The following KAZN variants were observed in gnomAD, a reference collection of about 807,000 sequenced individuals.
KAZN encodes the protein kazrin.
KAZN carries 40 observed loss-of-function variants against 87.4 expected under a neutral mutation model. The observed-to-expected ratio is 0.46, with a 90% CI of 0.36 to 0.60. KAZN has a LOEUF of 0.60. KAZN is among the 20% of genes least tolerant of loss of function. The pLI is 0.00. For missense variants in KAZN, 898 were observed against 1,073.9 expected, an observed-to-expected ratio of 0.84 and a Z score of 2.29; for synonymous variants, 466 against 458.3, an observed-to-expected ratio of 1.02 and a Z score of -0.22.
chr1:15,043,804 G>A (rs1281095567), intron 3 of KAZN, among the ~76,000 whole-genome samples, 185 bp from the exon 4 acceptor site: 4 of 151,912 alleles, frequency 2.6e-5, no homozygotes, highest in Non-Finnish European at 4.4e-5. Context: ...CACCATGCCT[G>A]GCTAATTTTT....
chr1:14,016,886 G>A (rs1640597151), intron 1 of KAZN, among the ~76,000 whole-genome samples: 1 of 152,180 alleles, frequency 6.6e-6, no homozygotes, highest in Non-Finnish European at 1.5e-5. Context: ...ATTTTTGTAT[G>A]TGCATTTGGG....
rs559245087 is a variant in KAZN, at chr1:14,903,775, A to G, written c.227-56909A>G. On this transcript the variant is annotated intron_variant, in intron 1 of 14. Transcript: ENST00000376030. ...ATTTAATTTTTAAAGTCGCGATCCC[A>G]TTAATCTAACCTTAGTAGGTTACAT... Among the ~76,000 whole-genome samples, 3 of 152,356 alleles carry G rather than the reference A, an allele frequency of 2.0e-5. No individual in the cohort carries two copies. In the East Asian group the frequency reaches 5.8e-4, roughly 29 times the overall value.
chr1:14,730,192 T>A (rs527308315), intron 1 of KAZN, among the ~76,000 whole-genome samples: 1 of 152,220 alleles, frequency 6.6e-6, no homozygotes, highest in African/African-American at 2.4e-5. Context: ...CAAGCGATTC[T>A]CCCGCCTCAG....
intron 1 of KAZN, among the ~76,000 whole-genome samples, chr1:14,934,993 C>T (rs1040409928): frequency 4.6e-5 from 7 of 152,230 alleles, no homozygotes; most frequent in Admixed American, 2.0e-4. Flanking sequence ...GTGGCATTCC[C>T]GTAAACCTCC....
chr1:14,254,543 T>C (rs1650331258), intron 2 of KAZN, among the ~76,000 whole-genome samples: 1 of 152,068 alleles, frequency 6.6e-6, no homozygotes, highest in Non-Finnish European at 1.5e-5. Context: ...AAGTGGCAAA[T>C]GGTCAAAATA....
At chr1:14,012,577 G>T (rs1372178846) in intron 1 of KAZN, among the ~76,000 whole-genome samples, 1 of 152,178 alleles carries the variant, frequency 6.6e-6, no homozygotes, top group Admixed American at 6.5e-5. Flanking sequence ...CAGTTTGGGA[G>T]GGTGACGCGG....
intron 2 of KAZN, among the ~76,000 whole-genome samples, chr1:14,416,670 G>A (rs1018035201): frequency 2.6e-5 from 4 of 152,144 alleles, no homozygotes; most frequent in Non-Finnish European, 5.9e-5. Context: ...CCAGGAGACA[G>A]AGGTTGCAGT....
At chr1:14,298,928 A>C (rs7527290) in intron 2 of KAZN, among the ~76,000 whole-genome samples, 32,681 of 152,136 alleles carry the variant, frequency 0.21, 3,812 homozygotes, top group East Asian at 0.36. Context: ...GAGGAAGTGC[A>C]GGCGTGGTAG....
At position 14,907,401 on chromosome 1, in the gene KAZN, C is replaced by CA. The variant is rs141495381; in HGVS notation, c.227-53267dup. On this transcript the variant is annotated intron_variant, in intron 1 of 14. Coordinates refer to ENST00000376030, the MANE Select transcript of KAZN (RefSeq NM_201628.3). ...TGAGCAACAGAGTGAGACCCTGTCT[C>CA]AAAAAAAAAAAAAAAACAAAAAGTG... 9.3e-3 allele frequency among the ~76,000 whole-genome samples: 918 copies of CA among 98,224 alleles called. 5 individuals carry two copies. The highest frequency in any genetic ancestry group is 0.023 in the African/African-American group (605 of 26,466). 64.4% of individuals were successfully genotyped at this position (98,224 alleles called of 152,430 possible). A position where few individuals can be genotyped will look rare whatever the true frequency, so the allele number is the denominator to read the frequency against.
At chr1:14,629,342 G>A (rs1299505522) in intron 1 of KAZN, among the ~76,000 whole-genome samples, 1 of 152,196 alleles carries the variant, frequency 6.6e-6, no homozygotes, top group Non-Finnish European at 1.5e-5. Context: ...ATTCGTTGCT[G>A]TATTCCAGCA....
intron 2 of KAZN, among the ~76,000 whole-genome samples, chr1:14,241,932 CCTTA>C (rs1490223508): frequency 6.6e-6 from 1 of 152,198 alleles, no homozygotes; most frequent in African/African-American, 2.4e-5. Flanking sequence ...TGCCAAACCT[CCTTA>C]CTTGCAGAAG....
intron 2 of KAZN, among the ~76,000 whole-genome samples, chr1:14,428,730 C>T (rs1163908244): frequency 6.6e-6 from 1 of 151,988 alleles, no homozygotes; most frequent in East Asian, 1.9e-4. Context: ...AAGAGGGAAG[C>T]CCCTTATAAA....
chr1:15,094,139 C>A lies in KAZN; in HGVS notation c.1223-41C>A. 6.3e-7 allele frequency: 1 copy of A among 1,588,942 alleles called. No homozygotes were observed. Among genetic ancestry groups the A allele is most frequent in the African/African-American group, 1.3e-5 (1 of 74,638 alleles). ...TGGCCTGCCCAGCCCCTGCCCCCAGCAGCCTCGTCCCCCAGCATGGCCTGC... is the reference window on the plus strand; with the variant it reads ...TGGCCTGCCCAGCCCCTGCCCCCAGAAGCCTCGTCCCCCAGCATGGCCTGC... On this transcript the variant is annotated intron_variant, in intron 8 of 14. Transcript: ENST00000376030. This position sits in a 1 kb window ranked among gnomAD's most constrained non-coding sequence, Gnocchi z 4.5.
chr1:14,978,246 G>GT (rs774604973), intron 2 of KAZN, among the ~76,000 whole-genome samples: 113 of 152,302 alleles, frequency 7.4e-4, no homozygotes, highest in Admixed American at 3.6e-3. Context: ...GCTCAGATGG[G>GT]TGAGCAACTT....
At chr1:14,367,835 A>G (rs1313203616) in intron 2 of KAZN, among the ~76,000 whole-genome samples, 2 of 152,028 alleles carry the variant, frequency 1.3e-5, no homozygotes, top group Admixed American at 6.6e-5. Context: ...CTGTGCTTCC[A>G]TTTTCAATGT....
intron 1 of KAZN, among the ~76,000 whole-genome samples, chr1:14,767,926 C>T (rs956937845): frequency 3.9e-5 from 6 of 152,140 alleles, no homozygotes; most frequent in Admixed American, 2.6e-4. Context: ...AGAATATTAC[C>T]GAGGTGCCTG....
chr1:14,250,683 A>G (rs1041579083), intron 2 of KAZN, among the ~76,000 whole-genome samples: 2 of 151,974 alleles, frequency 1.3e-5, no homozygotes, highest in African/African-American at 4.8e-5. Flanking sequence ...GTAAAACATA[A>G]TGATTAGCAC....
intron 1 of KAZN, among the ~76,000 whole-genome samples, chr1:14,631,792 G>A (rs1679589258): frequency 6.6e-6 from 1 of 152,230 alleles, no homozygotes; most frequent in Non-Finnish European, 1.5e-5. Context: ...TGGCGAGGAA[G>A]CTCTCGGGTG....
intron 1 of KAZN, among the ~76,000 whole-genome samples, chr1:14,814,067 G>A (rs931428478): frequency 4.6e-5 from 7 of 152,182 alleles, no homozygotes; most frequent in African/African-American, 7.2e-5. Flanking sequence ...TGCCAGCATC[G>A]TCAGCCATTG....
Sources: allele counts gnomAD v4.1 joint callset (sites outside exome capture counted in the v4.1 genomes callset), GRCh38; gene constraint gnomAD v4.1.1; non-coding constraint Gnocchi (gnomAD v3.1); transcripts MANE v1.5; gene names NCBI Gene and HGNC (gene_info 2026-07-23, HGNC 2026-07-21).